Variants in XYLT1 observed in about 807,000 individuals in gnomAD.
XYLT1 encodes the protein xylosyltransferase 1, also known as beta-D-xylosyltransferase 1.
In XYLT1, 36 loss-of-function variants were observed where a neutral mutation model predicts 91.3. That is an observed-to-expected ratio of 0.39 (90% confidence interval 0.30 to 0.52). The LOEUF is 0.52. Among genes scored for constraint, XYLT1 ranks in the 20% least tolerant of loss-of-function variants. XYLT1 has a pLI of 0.68. For synonymous variants in XYLT1, 588 were observed against 532.0 expected, an observed-to-expected ratio of 1.11 and a Z score of -1.45; for missense variants, 1,242 against 1,284.5, an observed-to-expected ratio of 0.97 and a Z score of 0.51.
intron 6 of XYLT1, among the ~76,000 whole-genome samples, chr16:17,146,321 A>G (rs2031131303): frequency 6.6e-6 from 1 of 152,196 alleles, no homozygotes; most frequent in Non-Finnish European, 1.5e-5. Context: ...CTGGCAGGGA[A>G]CAGACTTAAT....
At chr16:17,293,178 C>T (rs543542717) in intron 2 of XYLT1, among the ~76,000 whole-genome samples, 7 of 152,294 alleles carry the variant, frequency 4.6e-5, no homozygotes, top group African/African-American at 1.7e-4. Flanking sequence ...GCTACCCCCA[C>T]TGCTGCCTAG....
chr16:17,466,983 A>C (rs1007197521), intron 1 of XYLT1, among the ~76,000 whole-genome samples: 6 of 152,196 alleles, frequency 3.9e-5, no homozygotes, highest in Admixed American at 3.9e-4. Context: ...AGGCTGTTAG[A>C]AGCAGAGGTG....
intron 2 of XYLT1, among the ~76,000 whole-genome samples, chr16:17,309,967 C>T (rs193125987): frequency 2.0e-5 from 3 of 151,930 alleles, no homozygotes; most frequent in African/African-American, 7.3e-5. Flanking sequence ...GAAGAGATGC[C>T]GTGTGTGCTC....
chr16:17,374,881 A>T (rs1273210945), intron 1 of XYLT1, among the ~76,000 whole-genome samples: 1 of 152,074 alleles, frequency 6.6e-6, no homozygotes, highest in Non-Finnish European at 1.5e-5. Flanking sequence ...GCATGTTTCC[A>T]TTTACTCACA....
intron 2 of XYLT1, among the ~76,000 whole-genome samples, chr16:17,289,421 T>G (rs764575970): frequency 1.3e-5 from 2 of 152,180 alleles, no homozygotes; most frequent in Non-Finnish European, 2.9e-5. Context: ...TCTGCCATGT[T>G]TATGTTCTAC....
At chr16:17,421,861 C>T (rs1235305404) in intron 1 of XYLT1, among the ~76,000 whole-genome samples, 3 of 151,890 alleles carry the variant, frequency 2.0e-5, no homozygotes, top group African/African-American at 4.8e-5. Context: ...TTTTCAAGAC[C>T]GAGTCTCACT....
Position 17,208,055 on chromosome 16 carries a change from T to C in XYLT1, c.914-7401A>G, listed in dbSNP as rs1471660387. ...AGGCTGGAGTGCAGTGGCATGATCA[T>C]AGGTCACTGCCACCTCAAATTTCTG... On this transcript the variant is annotated intron_variant, in intron 3 of 11. Transcript: ENST00000261381. Among the ~76,000 whole-genome samples the C allele has an allele frequency of 6.6e-5, 10 of 152,132 alleles. No individual in the cohort carries two copies. The East Asian group carries it at 1.7e-3, about 26-fold the overall frequency.
intron 10 of XYLT1, among the ~76,000 whole-genome samples, chr16:17,127,071 G>A (rs2030288811): frequency 6.6e-6 from 1 of 152,204 alleles, no homozygotes. Flanking sequence ...TTCTCTGAAG[G>A]TGTATCATTT....
At chr16:17,158,984 C>T (rs991581328) in intron 5 of XYLT1, 75 bp from the exon 6 acceptor site, 38 of 1,328,978 alleles carry the variant, frequency 2.9e-5, no homozygotes, top group Non-Finnish European at 3.7e-5. Context: ...GCAAGTTTCA[C>T]CAATTATGTC....
chr16:17,145,322 C>G (rs1000681322), intron 6 of XYLT1, among the ~76,000 whole-genome samples: 1 of 152,178 alleles, frequency 6.6e-6, no homozygotes. Context: ...ACCCTAGCAC[C>G]AGGGGGTGGG....
chr16:17,437,916 C>A (rs187385827), intron 1 of XYLT1, among the ~76,000 whole-genome samples: 1 of 152,220 alleles, frequency 6.6e-6, no homozygotes, highest in South Asian at 2.1e-4. Flanking sequence ...CCTTTCTGGA[C>A]GGGATCATAC....
intron 1 of XYLT1, among the ~76,000 whole-genome samples, chr16:17,394,356 T>C (rs1017706291): frequency 4.6e-5 from 7 of 152,174 alleles, no homozygotes; most frequent in Non-Finnish European, 8.8e-5. Flanking sequence ...TCTGCCTTCA[T>C]GGAGGTATCT....
chr16:17,111,867 G>A (rs1362077186), intron 11 of XYLT1, among the ~76,000 whole-genome samples: 3 of 152,188 alleles, frequency 2.0e-5, no homozygotes, highest in Non-Finnish European at 4.4e-5. Flanking sequence ...ACAGTGTTTG[G>A]AAGTCTGGTC....
chr16:17,417,036 A>C (rs8048418), intron 1 of XYLT1, among the ~76,000 whole-genome samples: 1 of 152,088 alleles, frequency 6.6e-6, no homozygotes. Context: ...GTTTGGTAAG[A>C]CTTTATGGAT....
At chr16:17,423,174 C>A (rs2036270144) in intron 1 of XYLT1, among the ~76,000 whole-genome samples, 1 of 152,214 alleles carries the variant, frequency 6.6e-6, no homozygotes, top group Admixed American at 6.5e-5. Context: ...CTGGTCCCTT[C>A]TTCCTCTGCC....
chr16:17,449,487 G>A (rs529748127), intron 1 of XYLT1, among the ~76,000 whole-genome samples: 1 of 152,336 alleles, frequency 6.6e-6, no homozygotes, highest in East Asian at 1.9e-4. Flanking sequence ...TCCCATCAAC[G>A]GGACTTAGCA....
chr16:17,356,419 G>A (rs115306783), intron 2 of XYLT1, among the ~76,000 whole-genome samples: 5,542 of 152,144 alleles, frequency 0.036, 355 homozygotes, highest in African/African-American at 0.13. Flanking sequence ...GCCGGCCCTG[G>A]CGCCTGGTCA....
chr16:17,159,054 A>T, intron 5 of XYLT1, 145 bp from the exon 6 acceptor site: 2 of 680,308 alleles, frequency 2.9e-6, no homozygotes, highest in Non-Finnish European at 5.2e-6. Flanking sequence ...CATCCTCTTT[A>T]TATCGCCATT....
chr16:17,438,665 G>T (rs2036493247), intron 1 of XYLT1, among the ~76,000 whole-genome samples: 1 of 152,102 alleles, frequency 6.6e-6, no homozygotes, highest in Admixed American at 6.5e-5. Context: ...CAGGACGCAT[G>T]GCTAGGAGGC....
Sources: allele counts gnomAD v4.1 joint callset (sites outside exome capture counted in the v4.1 genomes callset), GRCh38; gene constraint gnomAD v4.1.1; transcripts MANE v1.5; gene names NCBI Gene and HGNC (gene_info 2026-07-23, HGNC 2026-07-21).